Variants in ADAMTSL1 observed in about 807,000 individuals in gnomAD.
The protein encoded by ADAMTSL1 is ADAMTS-like protein 1.
Under a neutral mutation model 201.8 loss-of-function variants are expected in ADAMTSL1, and 126 were observed. That is an observed-to-expected ratio of 0.62 (90% CI 0.54 to 0.72). The LOEUF is 0.72. ADAMTSL1 is among the 30% of genes least tolerant of loss of function. ADAMTSL1 has a pLI of 0.00. For synonymous variants in ADAMTSL1, 1,121 were observed against 903.4 expected, an observed-to-expected ratio of 1.24 and a Z score of -4.32; for missense variants, 2,679 against 2,277.8, an observed-to-expected ratio of 1.18 and a Z score of -3.59.
chr9:18,096,812 A>T, intron 1 of ADAMTSL1, among the ~76,000 whole-genome samples: 1 of 152,180 alleles, frequency 6.6e-6, no homozygotes, highest in East Asian at 1.9e-4. Flanking sequence ...TTCCACAAAT[A>T]ACCATTGATA....
At position 18,168,575 on chromosome 9, in the gene ADAMTSL1, G is replaced by A. The variant is rs77952663; in HGVS notation, c.207+4594G>A. 3.0e-3 allele frequency among the ~76,000 whole-genome samples: 453 copies of A among 151,352 alleles called. 1 individual carries two copies. The highest frequency in any genetic ancestry group is 5.3e-3 in the South Asian group (25 of 4,740). On this transcript the variant is annotated intron_variant, in intron 2 of 29. Coordinates refer to the ADAMTSL1 transcript ENST00000680146. ...AGTCTTTGCTATTGTGAATAATGCC[G>A]CACTAAACATACGTGTGCCTGTGTC...
At chr9:18,225,031 T>G (rs1424785419) in intron 2 of ADAMTSL1, among the ~76,000 whole-genome samples, 1 of 152,184 alleles carries the variant, frequency 6.6e-6, no homozygotes, top group Non-Finnish European at 1.5e-5. Flanking sequence ...TCTTGTAAAC[T>G]ACTTATTCCC....
intron 7 of ADAMTSL1, among the ~76,000 whole-genome samples, chr9:18,647,246 T>C (rs920080120): frequency 3.3e-5 from 5 of 152,186 alleles, no homozygotes; most frequent in Non-Finnish European, 5.9e-5. Flanking sequence ...CCCTTTATCA[T>C]TTTTTATTGC....
intron 4 of ADAMTSL1, among the ~76,000 whole-genome samples, chr9:18,602,647 C>T (rs1010389659): frequency 6.6e-6 from 1 of 152,162 alleles, no homozygotes; most frequent in African/African-American, 2.4e-5. Context: ...GAAATCAGCC[C>T]CATCTGTACC....
At chr9:18,099,434 C>T (rs1824418073) in intron 1 of ADAMTSL1, among the ~76,000 whole-genome samples, 4 of 141,156 alleles carry the variant, frequency 2.8e-5, no homozygotes, top group African/African-American at 2.6e-5. Flanking sequence ...TTCATATTCT[C>T]AGATATGAGG....
chr9:18,120,497 T>C (rs1354916268), intron 1 of ADAMTSL1, among the ~76,000 whole-genome samples: 1 of 152,188 alleles, frequency 6.6e-6, no homozygotes, highest in Non-Finnish European at 1.5e-5. Flanking sequence ...CATGGAACTT[T>C]CTAAGCAGGG....
At position 17,950,760 on chromosome 9, in the gene ADAMTSL1, C is replaced by T. The variant is rs184879834; in HGVS notation, c.87+43838C>T. ...AACTGAAAACAGATGGCACGGCACA[C>T]TCATGCTGGGTAACTGGGGAGAATT... On this transcript the variant is annotated intron_variant, in intron 1 of 29. Transcript: ENST00000680146. 9.2e-5 allele frequency among the ~76,000 whole-genome samples: 14 copies of T among 152,180 alleles called. No homozygotes were observed. The East Asian group carries it at 2.7e-3, about 29-fold the overall frequency.
intron 2 of ADAMTSL1, among the ~76,000 whole-genome samples, chr9:18,190,514 C>T (rs1336478111): frequency 1.3e-5 from 2 of 152,066 alleles, no homozygotes; most frequent in South Asian, 2.1e-4. Context: ...TATTTCAACC[C>T]GATTTCAAGC....
At chr9:17,924,072 T>G (rs1481554428) in intron 1 of ADAMTSL1, among the ~76,000 whole-genome samples, 2 of 139,932 alleles carry the variant, frequency 1.4e-5, no homozygotes, top group Middle Eastern at 7.4e-3. Context: ...TCAAGGATAT[T>G]GGTCTAAAAT....
At chr9:17,999,180 T>C (rs1819508434) in intron 1 of ADAMTSL1, among the ~76,000 whole-genome samples, 1 of 152,040 alleles carries the variant, frequency 6.6e-6, no homozygotes, top group Non-Finnish European at 1.5e-5. Flanking sequence ...AAAGATAATA[T>C]ACAAAATGTA....
rs1824483966 is a variant in ADAMTSL1, at chr9:18,599,433, G to A, written c.475-22810G>A. 1.3e-5 allele frequency among the ~76,000 whole-genome samples: 2 copies of A among 152,140 alleles called. 1 individual carries two copies. Among genetic ancestry groups the A allele is most frequent in the Admixed American group, 1.3e-4 (2 of 15,276 alleles). ...AGGAGGAGGTAGGATCATCTTGTCAGTTTAGAGGAGCACTGATTCTCCTCA... is the reference window on the plus strand; with the variant it reads ...AGGAGGAGGTAGGATCATCTTGTCAATTTAGAGGAGCACTGATTCTCCTCA... On this transcript the variant is annotated intron_variant, in intron 4 of 28. Transcript: ENST00000380548.
chr9:18,232,397 C>G (rs1411336959), intron 2 of ADAMTSL1, among the ~76,000 whole-genome samples: 2 of 152,152 alleles, frequency 1.3e-5, no homozygotes, highest in Non-Finnish European at 2.9e-5. Context: ...AACTTCCCAT[C>G]CTGGCCTGCA....
At chr9:18,200,114 A>G (rs985793335) in intron 2 of ADAMTSL1, among the ~76,000 whole-genome samples, 3 of 152,056 alleles carry the variant, frequency 2.0e-5, no homozygotes, top group Non-Finnish European at 2.9e-5. Context: ...CTTCAGGACT[A>G]TGTAATATAC....
rs1825609835 is a variant in ADAMTSL1 at position 18,840,023 on chromosome 9, G to A, written c.4249+10046G>A. Among the ~76,000 whole-genome samples the A allele has an allele frequency of 3.3e-5, 5 of 150,016 alleles. No homozygotes were observed. The South Asian group carries it at 1.1e-3, about 32-fold the overall frequency. ...TGATGGTAGTTTCTTTTGCTGTGCA[G>A]AAGCTCTTTAGTTTAATTAGATCCC... On this transcript the variant is annotated intron_variant, in intron 23 of 28. Coordinates refer to ENST00000380548, the MANE Select transcript of ADAMTSL1 (RefSeq NM_001040272.6).
intron 1 of ADAMTSL1, among the ~76,000 whole-genome samples, chr9:17,932,420 T>C (rs1375839231): frequency 6.6e-6 from 1 of 152,292 alleles, no homozygotes; most frequent in African/African-American, 2.4e-5. Flanking sequence ...GAATTTGCCA[T>C]TGAGTGGCTA....
At chr9:18,299,472 A>G (rs1249127911) in intron 2 of ADAMTSL1, among the ~76,000 whole-genome samples, 1 of 152,216 alleles carries the variant, frequency 6.6e-6, no homozygotes, top group Non-Finnish European at 1.5e-5. Context: ...AGCAATCTTT[A>G]TTATTGCTTA....
intron 2 of ADAMTSL1, among the ~76,000 whole-genome samples, chr9:18,462,286 T>C (rs1239447742): frequency 1.3e-5 from 2 of 152,212 alleles, no homozygotes; most frequent in Non-Finnish European, 2.9e-5. Flanking sequence ...TGAAAACTCC[T>C]GTATAGAAAT....
At chr9:18,716,703 A>G (rs1391898393) in intron 14 of ADAMTSL1, among the ~76,000 whole-genome samples, 21 of 149,014 alleles carry the variant, frequency 1.4e-4, no homozygotes, top group Admixed American at 1.4e-3. Context: ...ATCTAGAACT[A>G]GAAATACCAT....
intron 20 of ADAMTSL1, among the ~76,000 whole-genome samples, chr9:18,802,644 A>C (rs1050095645): frequency 1.3e-5 from 2 of 152,200 alleles, no homozygotes; most frequent in Non-Finnish European, 2.9e-5. Flanking sequence ...CTTTTTGGCT[A>C]TTATGAATAA....
Sources: allele counts gnomAD v4.1 joint callset (sites outside exome capture counted in the v4.1 genomes callset), GRCh38; gene constraint gnomAD v4.1.1; transcripts MANE v1.5; gene names NCBI Gene and HGNC (gene_info 2026-07-23, HGNC 2026-07-21).